Variants in RBM47 observed in about 807,000 individuals in gnomAD.
RBM47 encodes the protein RNA-binding protein 47.
In RBM47, 21 loss-of-function variants were observed where a neutral mutation model predicts 47.1. That is an observed-to-expected ratio of 0.45 (90% CI 0.32 to 0.64). The LOEUF is 0.64. RBM47 is among the 30% of genes least tolerant of loss of function. The pLI, the probability that RBM47 is intolerant of heterozygous loss-of-function variation, is 0.05. For synonymous variants in RBM47, 375 were observed against 361.7 expected, an observed-to-expected ratio of 1.04 and a Z score of -0.42; for missense variants, 708 against 870.9, an observed-to-expected ratio of 0.81 and a Z score of 2.35.
At chr4:40,591,568 C>T (rs1396504722) in intron 1 of RBM47, among the ~76,000 whole-genome samples, 2 of 152,104 alleles carry the variant, frequency 1.3e-5, no homozygotes, top group Non-Finnish European at 2.9e-5. Context: ...GTGGCATGAC[C>T]TTGCAATCCC....
chr4:40,521,296 G>A (rs1016099693), intron 2 of RBM47, among the ~76,000 whole-genome samples: 2 of 152,112 alleles, frequency 1.3e-5, no homozygotes, highest in Non-Finnish European at 2.9e-5. Context: ...CACTTCCTGG[G>A]TTCAAGTGAT....
intron 1 of RBM47, among the ~76,000 whole-genome samples, chr4:40,596,601 C>T (rs997065682): frequency 4.6e-5 from 7 of 152,142 alleles, no homozygotes; most frequent in African/African-American, 1.7e-4. Context: ...GTTCCAATAA[C>T]ATTGTATTTA....
rs79811485 is a variant in RBM47 at position 40,596,332 on chromosome 4, G to A, written c.-240+33064C>T. On this transcript the variant is annotated intron_variant, in intron 1 of 6. Transcript: ENST00000295971. ...CCTGAGGCAAGAGAAAAAGACAGGAGAATTCTTAGGTTTAAGGGGGGGAAG... is the reference window on the plus strand; with the variant it reads ...CCTGAGGCAAGAGAAAAAGACAGGAAAATTCTTAGGTTTAAGGGGGGGAAG... 2.5e-3 allele frequency among the ~76,000 whole-genome samples: 388 copies of A among 152,306 alleles called. 1 individual carries two copies. The highest frequency in any genetic ancestry group is 0.019 in the East Asian group (96 of 5,180).
chr4:40,579,423 GAAAAAA>G (rs10653342), intron 1 of RBM47, among the ~76,000 whole-genome samples: 5 of 102,010 alleles, frequency 4.9e-5, no homozygotes, highest in African/African-American at 2.0e-4. Flanking sequence ...CCCTGTCTCA[GAAAAAA>G]AAAAAAAAAA....
intron 1 of RBM47, among the ~76,000 whole-genome samples, chr4:40,601,891 G>C (rs370047081): frequency 6.6e-6 from 1 of 152,172 alleles, no homozygotes; most frequent in South Asian, 2.1e-4. Flanking sequence ...TCTCTGGGTC[G>C]GGCGTGGTGG....
intron 2 of RBM47, among the ~76,000 whole-genome samples, chr4:40,533,919 G>C (rs188484307): frequency 1.3e-5 from 2 of 151,754 alleles, no homozygotes; most frequent in South Asian, 4.2e-4. Context: ...AGGTTAAAGC[G>C]ATTCTCCTGC....
intron 1 of RBM47, among the ~76,000 whole-genome samples, chr4:40,604,543 C>A (rs1735572375): frequency 1.3e-5 from 2 of 152,118 alleles, no homozygotes; most frequent in Admixed American, 1.3e-4. Flanking sequence ...GGGAGGATTG[C>A]TTGAGCCTGG....
intron 1 of RBM47, among the ~76,000 whole-genome samples, chr4:40,556,895 A>AT (rs1553901289): frequency 6.7e-6 from 1 of 150,264 alleles, no homozygotes; most frequent in Non-Finnish European, 1.5e-5. Context: ...GTCTCAAAAA[A>AT]ATATATATAT....
intron 1 of RBM47, among the ~76,000 whole-genome samples, chr4:40,580,421 G>C (rs1407440587): frequency 6.6e-6 from 1 of 152,146 alleles, no homozygotes; most frequent in South Asian, 2.1e-4. Flanking sequence ...AAGAATCCTT[G>C]AATCAGTTCT....
intron 3 of RBM47, among the ~76,000 whole-genome samples, chr4:40,463,576 T>TG (rs1020359114): frequency 4.6e-5 from 7 of 152,088 alleles, no homozygotes; most frequent in Admixed American, 4.6e-4. Context: ...ATTCAGTGAA[T>TG]GAATGTAGGC....
chr4:40,465,092 C>T (rs938017894), intron 3 of RBM47, among the ~76,000 whole-genome samples: 1 of 151,836 alleles, frequency 6.6e-6, no homozygotes, highest in Non-Finnish European at 1.5e-5. Context: ...AAAAATTTTG[C>T]TCTCTGAGTC....
intron 3 of RBM47, among the ~76,000 whole-genome samples, chr4:40,460,088 T>A (rs1469104540): frequency 6.6e-6 from 1 of 152,160 alleles, no homozygotes; most frequent in Non-Finnish European, 1.5e-5. Flanking sequence ...TGCCCAGGCA[T>A]CAGGAATGTC....
intron 2 of RBM47, among the ~76,000 whole-genome samples, chr4:40,488,893 A>G (rs1347027164): frequency 2.0e-5 from 3 of 152,218 alleles, no homozygotes; most frequent in Non-Finnish European, 2.9e-5. Flanking sequence ...GGTACTAATT[A>G]TCTTTCTGCT....
intron 5 of RBM47, among the ~76,000 whole-genome samples, chr4:40,433,388 C>T (rs1050225644): frequency 5.3e-5 from 8 of 152,146 alleles, no homozygotes; most frequent in Non-Finnish European, 1.5e-5. Flanking sequence ...GCAGGTAACT[C>T]CCCCTGCCTG....
At chr4:40,581,381 C>T (rs953225801) in intron 1 of RBM47, among the ~76,000 whole-genome samples, 13 of 151,458 alleles carry the variant, frequency 8.6e-5, no homozygotes, top group African/African-American at 3.2e-4. Context: ...GAGCTCACAC[C>T]ACTGCTTCCA....
At chr4:40,490,099 C>T (rs1721656042) in intron 2 of RBM47, among the ~76,000 whole-genome samples, 1 of 152,120 alleles carries the variant, frequency 6.6e-6, no homozygotes, top group South Asian at 2.1e-4. Flanking sequence ...ATAACTAAAA[C>T]ACAACATATT....
intron 6 of RBM47, chr4:40,427,078 G>C (rs1404842762): frequency 6.6e-6 from 1 of 152,148 alleles, no homozygotes; most frequent in Non-Finnish European, 1.5e-5. Context: ...TGTCAACTTA[G>C]AGAAACCAAA....
chr4:40,593,692 A>G (rs1734476163), intron 1 of RBM47, among the ~76,000 whole-genome samples: 1 of 152,144 alleles, frequency 6.6e-6, no homozygotes, highest in Non-Finnish European at 1.5e-5. Flanking sequence ...CATCCTGGCT[A>G]ACACGGTGAA....
At chr4:40,550,907 CAA>C (rs796760473) in intron 1 of RBM47, among the ~76,000 whole-genome samples, 7 of 133,488 alleles carry the variant, frequency 5.2e-5, no homozygotes, top group Admixed American at 7.5e-5. Flanking sequence ...TCAAGGAATG[CAA>C]AAAAAAAAAA....
Sources: gnomAD v4.1 joint callset for allele counts (sites outside exome capture counted in the v4.1 genomes callset) on GRCh38, gnomAD v4.1.1 for gene constraint, MANE v1.5 for transcripts, NCBI Gene and HGNC (gene_info 2026-07-23, HGNC 2026-07-21) for gene names.